The following DSCAM variants were observed in gnomAD, a reference collection of about 807,000 sequenced individuals.
DSCAM encodes cell adhesion molecule DSCAM.
DSCAM carries 47 observed loss-of-function variants against 217.7 expected under a neutral mutation model. The ratio of observed to expected loss-of-function variants is 0.22; its 90% CI spans 0.17 to 0.28. The LOEUF (loss-of-function observed/expected upper bound fraction) is 0.28, where lower values mean the gene tolerates loss of function less well. Among genes scored for constraint, DSCAM ranks in the 10% least tolerant of loss-of-function variants. DSCAM has a pLI of 1.00. For missense variants in DSCAM, 2,080 were observed against 2,618.3 expected (o/e 0.79, Z 4.49); for synonymous variants, 1,056 against 1,015.3 (o/e 1.04, Z -0.76).
At chr21:40,093,909 A>T in intron 20 of DSCAM, 35 bp from the exon 21 acceptor site, 1 of 1,595,238 alleles carries the variant, frequency 6.3e-7, no homozygotes, top group Non-Finnish European at 8.6e-7. Flanking sequence ...CCACATTCAA[A>T]GAAGCATGTG....
chr21:40,607,562 C>T (rs942581108), intron 3 of DSCAM, among the ~76,000 whole-genome samples: 10 of 151,880 alleles, frequency 6.6e-5, no homozygotes, highest in Admixed American at 5.9e-4. Context: ...GCCATAATTC[C>T]CACGTGTCAT....
At chr21:40,481,976 G>A (rs1379505389) in intron 3 of DSCAM, among the ~76,000 whole-genome samples, 2 of 152,200 alleles carry the variant, frequency 1.3e-5, no homozygotes, top group African/African-American at 2.4e-5. Context: ...GAGGCGATTC[G>A]CCGTTCCCAG....
At chr21:40,609,179 T>C (rs2089280984) in intron 3 of DSCAM, among the ~76,000 whole-genome samples, 1 of 152,190 alleles carries the variant, frequency 6.6e-6, no homozygotes, top group Non-Finnish European at 1.5e-5. Context: ...GGACTGGAAC[T>C]CCTGGACTCA....
At chr21:40,834,421 TAATAA>T (rs1204885433) in intron 1 of DSCAM, among the ~76,000 whole-genome samples, 4 of 110,310 alleles carry the variant, frequency 3.6e-5, no homozygotes, top group Non-Finnish European at 5.5e-5. Flanking sequence ...ATAATAATAA[TAATAA>T]AATAATAATA....
At chr21:40,499,199 C>G (rs1568855716) in intron 3 of DSCAM, among the ~76,000 whole-genome samples, 1 of 152,102 alleles carries the variant, frequency 6.6e-6, no homozygotes. Flanking sequence ...AAGATTACTA[C>G]TATTTTATCT....
intron 3 of DSCAM, among the ~76,000 whole-genome samples, chr21:40,394,579 A>G (rs1335117305): frequency 6.6e-6 from 1 of 152,244 alleles, no homozygotes; most frequent in Non-Finnish European, 1.5e-5. Flanking sequence ...CTGAGTCTTC[A>G]ACCAAGGCAG....
At chr21:40,813,645 G>GTTTT (rs869088003) in intron 1 of DSCAM, among the ~76,000 whole-genome samples, 2 of 126,510 alleles carry the variant, frequency 1.6e-5, no homozygotes, top group African/African-American at 2.9e-5. Flanking sequence ...TTTCTTTCTT[G>GTTTT]TTTTTTTTTT....
chr21:40,420,850 T>G (rs1443708112), intron 3 of DSCAM, among the ~76,000 whole-genome samples: 1 of 152,128 alleles, frequency 6.6e-6, no homozygotes, highest in Non-Finnish European at 1.5e-5. Context: ...ATGGAACAGA[T>G]TCTCTCTCAG....
At chr21:40,085,500 G>A (rs1385214822) in intron 23 of DSCAM, 102 bp downstream of exon 23, 2 of 1,066,684 alleles carry the variant, frequency 1.9e-6, no homozygotes, top group East Asian at 5.7e-5. Flanking sequence ...ACAGAAGTTA[G>A]CTCTTTATAA....
chr21:40,822,848 C>T (rs2091940008), intron 1 of DSCAM, among the ~76,000 whole-genome samples: 1 of 152,124 alleles, frequency 6.6e-6, no homozygotes, highest in African/African-American at 2.4e-5. Context: ...ACATAAACTT[C>T]TTATAAGAAA....
At chr21:40,157,094 T>A (rs893252829) in intron 16 of DSCAM, among the ~76,000 whole-genome samples, 3 of 152,188 alleles carry the variant, frequency 2.0e-5, no homozygotes, top group Non-Finnish European at 2.9e-5. Context: ...TTTAAATGAT[T>A]GAAAAAAATC....
intron 1 of DSCAM, among the ~76,000 whole-genome samples, chr21:40,768,293 C>A (rs1006698174): frequency 5.9e-5 from 9 of 152,184 alleles, no homozygotes; most frequent in Admixed American, 5.2e-4. Context: ...GCCTTCCCAC[C>A]TGCCTCATTA....
chr21:40,259,523 C>T (rs2073419306), intron 11 of DSCAM, among the ~76,000 whole-genome samples: 1 of 152,112 alleles, frequency 6.6e-6, no homozygotes, highest in Admixed American at 6.5e-5. Context: ...TAGGCCACAC[C>T]TGTAAAGAGG....
chr21:40,490,432 A>C (rs993380241), intron 3 of DSCAM, among the ~76,000 whole-genome samples: 1 of 152,240 alleles, frequency 6.6e-6, no homozygotes, highest in African/African-American at 2.4e-5. Context: ...TATTTTCATT[A>C]CATGGATGTT....
intron 19 of DSCAM, among the ~76,000 whole-genome samples, chr21:40,131,141 C>T (rs2090150535): frequency 6.6e-6 from 1 of 152,192 alleles, no homozygotes. Context: ...GTAATCCAAA[C>T]TTCAAAATTA....
At chr21:40,778,781 T>C (rs147148085) in intron 1 of DSCAM, among the ~76,000 whole-genome samples, 3 of 152,138 alleles carry the variant, frequency 2.0e-5, no homozygotes, top group African/African-American at 7.2e-5. Flanking sequence ...TCCCAGCACT[T>C]TGGGAGGCCA....
chr21:40,553,259 C>G (rs182027282), intron 3 of DSCAM, among the ~76,000 whole-genome samples: 109 of 152,280 alleles, frequency 7.2e-4, no homozygotes, highest in African/African-American at 2.6e-3. Context: ...ATGAAAGTAC[C>G]ACTGGACTTA....
intron 3 of DSCAM, among the ~76,000 whole-genome samples, chr21:40,625,975 A>G (rs2146308552): frequency 1.3e-5 from 2 of 152,292 alleles, no homozygotes; most frequent in South Asian, 4.1e-4. Context: ...AATCTTTATT[A>G]TTTAGGTGTC....
At chr21:40,033,871 C>CGGACCCCCGAGCAGCCTAACTGGGAG (rs1568902123) in intron 32 of DSCAM, among the ~76,000 whole-genome samples, 6 of 135,834 alleles carry the variant, frequency 4.4e-5, no homozygotes, top group African/African-American at 1.8e-4. Flanking sequence ...TCCCTGACCC[C>CGGACCCCCGAGCAGCCTAACTGGGAG]GGACCCCCGA....
Sources: allele counts gnomAD v4.1 joint callset (sites outside exome capture counted in the v4.1 genomes callset), GRCh38; gene constraint gnomAD v4.1.1; transcripts MANE v1.5; gene names NCBI Gene and HGNC (gene_info 2026-07-23, HGNC 2026-07-21).